ATRNL1: variants seen among roughly 807,000 people sequenced by gnomAD.
ATRNL1 encodes the protein attractin like 1.
In ATRNL1, 95 loss-of-function variants were observed where a neutral mutation model predicts 182.7. That is an observed-to-expected ratio of 0.52 (90% CI 0.44 to 0.62). The LOEUF is 0.62. Ranked by LOEUF, ATRNL1 falls within the 20% of genes least tolerant of loss-of-function variation. ATRNL1 has a pLI of 0.00. For missense variants in ATRNL1, 1,471 were observed against 1,679.5 expected (o/e 0.88, Z 2.17); for synonymous variants, 576 against 568.3 (o/e 1.01, Z -0.19).
At chr10:115,416,496 C>T (rs61882299) in intron 20 of ATRNL1, among the ~76,000 whole-genome samples, 1 of 151,940 alleles carries the variant, frequency 6.6e-6, no homozygotes, top group East Asian at 1.9e-4. Context: ...GAATGTAGTT[C>T]TTGTATTGGA....
intron 24 of ATRNL1, among the ~76,000 whole-genome samples, chr10:115,486,862 T>C (rs1849051568): frequency 1.3e-5 from 2 of 152,226 alleles, no homozygotes; most frequent in African/African-American, 4.8e-5. Flanking sequence ...AGGGTTTTTA[T>C]GGTTTTAGGT....
chr10:115,490,262 A>G (rs1489422215), intron 24 of ATRNL1, among the ~76,000 whole-genome samples: 4 of 151,988 alleles, frequency 2.6e-5, no homozygotes, highest in African/African-American at 9.7e-5. Flanking sequence ...CTGAATTTGA[A>G]TGTTGGCCTG....
intron 19 of ATRNL1, among the ~76,000 whole-genome samples, chr10:115,358,865 C>A (rs1485097133): frequency 6.6e-6 from 1 of 151,580 alleles, no homozygotes; most frequent in Non-Finnish European, 1.5e-5. Context: ...CTACTTATGT[C>A]TATTATTATT....
intron 5 of ATRNL1, among the ~76,000 whole-genome samples, chr10:115,157,316 T>C (rs1554882315): frequency 7.0e-6 from 1 of 142,156 alleles, no homozygotes; most frequent in African/African-American, 2.4e-5. Context: ...GGAAGTCTTT[T>C]TGTCGTTGTT....
chr10:115,250,803 C>G (rs1050049478), intron 10 of ATRNL1, among the ~76,000 whole-genome samples: 1 of 152,158 alleles, frequency 6.6e-6, no homozygotes, highest in Non-Finnish European at 1.5e-5. Context: ...AAGCATATGT[C>G]TTAAGAAGGT....
intron 24 of ATRNL1, among the ~76,000 whole-genome samples, chr10:115,474,191 AT>A (rs1848430356): frequency 6.6e-6 from 1 of 151,194 alleles, no homozygotes; most frequent in Non-Finnish European, 1.5e-5. Context: ...GTCAGCTTTT[AT>A]GTCTCCTTCA....
At chr10:115,321,655 G>C (rs2134032229) in intron 18 of ATRNL1, among the ~76,000 whole-genome samples, 2 of 147,280 alleles carry the variant, frequency 1.4e-5, no homozygotes, top group South Asian at 4.4e-4. Context: ...TAATACTGAA[G>C]AGGGAAAGGT....
intron 26 of ATRNL1, among the ~76,000 whole-genome samples, chr10:115,659,809 C>G (rs1395903092): frequency 1.3e-5 from 2 of 151,980 alleles, no homozygotes; most frequent in Non-Finnish European, 2.9e-5. Context: ...AGGGAATGTT[C>G]CAGCTCAAGA....
chr10:115,314,533 T>G lies in ATRNL1; in HGVS notation c.2819-985T>G, dbSNP rs115035409. On this transcript the variant is annotated intron_variant, in intron 17 of 28. Transcript: ENST00000355044. ...TCATGTGACTAGAAGACATCATTCA[T>G]GATGCCGTGTATGTCTGTCAGTATC... Among the ~76,000 whole-genome samples the G allele has an allele frequency of 6.1e-3, 930 of 152,324 alleles. 8 individuals are homozygous for G. The highest frequency in any genetic ancestry group is 0.02 in the African/African-American group (843 of 41,582).
At chr10:115,534,136 T>C (rs1430150313) in intron 25 of ATRNL1, among the ~76,000 whole-genome samples, 9 of 152,108 alleles carry the variant, frequency 5.9e-5, no homozygotes, top group African/African-American at 2.2e-4. Flanking sequence ...GGTGCAGAGC[T>C]GAGTTCAATT....
chr10:115,845,660 G>A (rs1295235022), intron 27 of ATRNL1, among the ~76,000 whole-genome samples: 1 of 150,530 alleles, frequency 6.6e-6, no homozygotes, highest in Non-Finnish European at 1.5e-5. Flanking sequence ...CAACTTTTTT[G>A]TATAAACATA....
intron 24 of ATRNL1, among the ~76,000 whole-genome samples, chr10:115,485,591 A>G (rs994381281): frequency 2.0e-5 from 3 of 151,992 alleles, no homozygotes; most frequent in African/African-American, 4.8e-5. Flanking sequence ...TATTCTTCCT[A>G]TGTGACTAAT....
intron 18 of ATRNL1, among the ~76,000 whole-genome samples, chr10:115,333,885 A>G (rs782686961): frequency 6.6e-6 from 1 of 152,158 alleles, no homozygotes; most frequent in Non-Finnish European, 1.5e-5. Flanking sequence ...CTTTATTATC[A>G]TGTGTTAATA....
intron 19 of ATRNL1, among the ~76,000 whole-genome samples, chr10:115,360,641 G>T (rs1856699809): frequency 6.6e-6 from 1 of 150,818 alleles, no homozygotes. Flanking sequence ...CATTTTTGAG[G>T]CCTTCTTAGT....
At chr10:115,940,698 T>TC (rs782145153) in intron 28 of ATRNL1, among the ~76,000 whole-genome samples, 3 of 58,046 alleles carry the variant, frequency 5.2e-5, no homozygotes, top group African/African-American at 1.4e-4. Context: ...TCTCTCTCTC[T>TC]TCTCTCTCTC....
intron 27 of ATRNL1, among the ~76,000 whole-genome samples, chr10:115,816,435 G>A (rs1320793702): frequency 6.6e-6 from 1 of 152,078 alleles, no homozygotes; most frequent in Non-Finnish European, 1.5e-5. Flanking sequence ...AGATACCGGG[G>A]CACTCATAAG....
At chr10:115,740,107 AC>A (rs2134093956) in intron 27 of ATRNL1, among the ~76,000 whole-genome samples, 1 of 9,126 alleles carries the variant, frequency 1.1e-4, no homozygotes, top group East Asian at 0.013. Context: ...ATAATGTTAT[AC>A]TTTAGATAAA....
Position 115,651,086 on chromosome 10 carries a change from A to G in ATRNL1, c.3796-76162A>G, listed in dbSNP as rs77150090. ...CCGCTGACTTGCTTTGGAAACACACATAACTACAAGCCCTTATTCAGCTAT... is the reference window on the plus strand; with the variant it reads ...CCGCTGACTTGCTTTGGAAACACACGTAACTACAAGCCCTTATTCAGCTAT... On this transcript the variant is annotated intron_variant, in intron 26 of 28. Transcript: ENST00000355044. Among the ~76,000 whole-genome samples the G allele has an allele frequency of 1.8e-3, 281 of 152,306 alleles. 7 individuals are homozygous for G. In the East Asian group the frequency reaches 0.05, roughly 27 times the overall value.
intron 19 of ATRNL1, among the ~76,000 whole-genome samples, chr10:115,393,788 T>A (rs1281123270): frequency 6.6e-6 from 1 of 152,116 alleles, no homozygotes; most frequent in Non-Finnish European, 1.5e-5. Context: ...GAAATTAAAA[T>A]CTACCAATTG....
Sources: allele counts gnomAD v4.1 joint callset (sites outside exome capture counted in the v4.1 genomes callset), GRCh38; gene constraint gnomAD v4.1.1; transcripts MANE v1.5; gene names NCBI Gene and HGNC (gene_info 2026-07-23, HGNC 2026-07-21).